The following FER1L6 variants were observed in gnomAD, a reference collection of about 807,000 sequenced individuals.
FER1L6 encodes fer-1 like family member 6.
Under a neutral mutation model 219.2 loss-of-function variants are expected in FER1L6, and 177 were observed. The ratio of observed to expected loss-of-function variants is 0.81; its 90% CI spans 0.71 to 0.91. FER1L6 has a LOEUF of 0.91. FER1L6 is among the 40% of genes least tolerant of loss of function. The probability of loss-of-function intolerance (pLI) is 0.00; values close to 1 mark genes in which losing one functional copy is unlikely to be tolerated. For missense variants in FER1L6, 2,153 were observed against 2,259.9 expected (o/e 0.95, Z 0.96); for synonymous variants, 768 against 824.3 (o/e 0.93, Z 1.17).
chr8:123,942,201 A>C (rs538921603), intron 1 of FER1L6, among the ~76,000 whole-genome samples: 1 of 151,438 alleles, frequency 6.6e-6, no homozygotes, highest in East Asian at 1.9e-4. Flanking sequence ...CTTCTCCCCA[A>C]CCCCTCCCCA....
At chr8:123,863,895 C>T (rs1450410491) in intron 1 of FER1L6, among the ~76,000 whole-genome samples, 3 of 151,078 alleles carry the variant, frequency 2.0e-5, no homozygotes, top group Non-Finnish European at 4.4e-5. Flanking sequence ...AGATGGGTTT[C>T]CTGAGTACAG....
intron 28 of FER1L6, 143 bp downstream of exon 28, chr8:124,067,949 A>C: frequency 1.5e-6 from 1 of 676,824 alleles, no homozygotes; most frequent in Non-Finnish European, 2.6e-6. Context: ...AGATGACAGC[A>C]CTTTAAAATG....
Position 124,076,232 on chromosome 8 carries a change from A to G in FER1L6, c.4127A>G (p.Lys1376Arg). 6.2e-7 allele frequency: 1 copy of G among 1,614,098 alleles called. No individual in the cohort carries two copies. Among genetic ancestry groups the G allele is most frequent in the Non-Finnish European group, 8.5e-7 (1 of 1,179,946 alleles). The change falls in exon 32 of 41, where the codon AAA (lysine) becomes AGA (arginine). Residue 1376 changes from lysine (K) to arginine (R), a missense_variant. Transcript: ENST00000522917. ...CTTAGTCCAGCTGATCCAGATGGCA[A>G]ATCAGATCCCTACATTGTGATCAAG... The part of the protein sequence containing the change: ...FNLSPADPDG[K>R]SDPYIVIKLG...
chr8:124,036,705 C>T (rs1276727679), intron 19 of FER1L6, among the ~76,000 whole-genome samples: 1 of 152,006 alleles, frequency 6.6e-6, no homozygotes, highest in Admixed American at 6.6e-5. Context: ...CTCTAGAGAC[C>T]CAAGGACCTG....
chr8:124,046,196 A>G (rs1346855655), intron 21 of FER1L6: 7 of 254,342 alleles, frequency 2.8e-5, no homozygotes, highest in Non-Finnish European at 3.8e-5. Context: ...ATACTTGTAT[A>G]AAGCAACCTG....
chr8:124,016,575 A>G (rs2130602179), intron 15 of FER1L6, among the ~76,000 whole-genome samples: 1 of 152,262 alleles, frequency 6.6e-6, no homozygotes, highest in South Asian at 2.1e-4. Flanking sequence ...TTTTCTGTGC[A>G]TTTGGGAACA....
intron 2 of FER1L6, among the ~76,000 whole-genome samples, chr8:123,961,139 C>T (rs1486305596): frequency 6.6e-6 from 1 of 152,030 alleles, no homozygotes; most frequent in African/African-American, 2.4e-5. Context: ...AGTGTGCTTG[C>T]AGTCACAGCT....
At chr8:123,977,662 G>A (rs906410599) in intron 10 of FER1L6, 53 bp downstream of exon 10, 55 of 1,555,430 alleles carry the variant, frequency 3.5e-5, no homozygotes, top group Non-Finnish European at 4.1e-5. Context: ...TTGCTTTAGA[G>A]CCCTCATCTT....
intron 1 of FER1L6, among the ~76,000 whole-genome samples, chr8:123,876,430 C>T (rs554368603): frequency 8.5e-4 from 129 of 152,222 alleles, no homozygotes; most frequent in African/African-American, 3.1e-3. Flanking sequence ...GAGATCCTCC[C>T]ATCACAGCTT....
At chr8:124,019,019 A>G (rs930643602) in intron 16 of FER1L6, among the ~76,000 whole-genome samples, 1 of 152,196 alleles carries the variant, frequency 6.6e-6, no homozygotes, top group African/African-American at 2.4e-5. Flanking sequence ...GTCTTCCTCT[A>G]ATCCATCTTC....
At chr8:123,885,935 A>T (rs1044662521) in intron 1 of FER1L6, among the ~76,000 whole-genome samples, 1 of 152,086 alleles carries the variant, frequency 6.6e-6, no homozygotes, top group African/African-American at 2.4e-5. Flanking sequence ...GCTCCTAAAC[A>T]TTGTGATGTT....
intron 1 of FER1L6, among the ~76,000 whole-genome samples, chr8:123,911,851 C>T (rs1813051994): frequency 6.6e-6 from 1 of 152,168 alleles, no homozygotes; most frequent in Admixed American, 6.6e-5. Context: ...TGCTCTTGTG[C>T]AAACAGGCTG....
At chr8:124,010,555 T>C in intron 13 of FER1L6, 39 bp from the exon 14 acceptor site, 1 of 1,609,104 alleles carries the variant, frequency 6.2e-7, no homozygotes, top group South Asian at 1.1e-5. Flanking sequence ...TGGAAAACAC[T>C]GATTACCAGC....
Position 124,060,332 on chromosome 8 carries a change from A to G in FER1L6, c.2985+42A>G, listed in dbSNP as rs542221560. The G allele has an allele frequency of 3.1e-5, 49 of 1,583,630 alleles. No individual in the cohort carries two copies. In the East Asian group the frequency reaches 9.6e-4, roughly 31 times the overall value. On this transcript the variant is annotated intron_variant, in intron 23 of 40. Transcript: ENST00000522917. ...GAGCTGAGTTGTTCTTTGGCACTCA[A>G]GGGCAGTGGCCCCACCTGAATTGTA...
chr8:124,023,651 G>C, intron 18 of FER1L6, 55 bp downstream of exon 18: 5 of 1,577,594 alleles, frequency 3.2e-6, no homozygotes, highest in Non-Finnish European at 4.3e-6. Context: ...CTCTAGGGTG[G>C]CTCAGACTTT....
intron 18 of FER1L6, among the ~76,000 whole-genome samples, chr8:124,031,119 T>A (rs1032612900): frequency 4.6e-5 from 7 of 151,890 alleles, no homozygotes; most frequent in African/African-American, 1.7e-4. Context: ...CAGGGGCACA[T>A]GAGAGAGGAA....
intron 31 of FER1L6, among the ~76,000 whole-genome samples, chr8:124,074,306 A>G (rs959794377): frequency 2.0e-5 from 3 of 152,198 alleles, no homozygotes; most frequent in Non-Finnish European, 2.9e-5. Context: ...CCAGACCATG[A>G]TTTTACAGAT....
Position 124,101,328 on chromosome 8 carries a change from T to C in FER1L6, c.5115T>C (p.Asp1705=), listed in dbSNP as rs953978307. ...QVWDFERLSS[D]DFLGTLEMNL... Reference sequence around the variant, plus strand: ...GGGATTTTGAAAGGCTGTCCTCAGATGACTTCCTGGGTAAGCCAGTGGCTT... The same window carrying C: ...GGGATTTTGAAAGGCTGTCCTCAGACGACTTCCTGGGTAAGCCAGTGGCTT... Residue 1705 remains aspartate (D), a synonymous_variant, in exon 38 of 41, where the codon GAT becomes GAC. Transcript: ENST00000522917. The C allele has an allele frequency of 8.1e-6, 13 of 1,613,068 alleles. No individual in the cohort carries two copies. The highest frequency in any genetic ancestry group is 5.5e-5 in the South Asian group (5 of 91,064).
intron 17 of FER1L6, among the ~76,000 whole-genome samples, chr8:124,022,274 T>A (rs1050918147): frequency 1.3e-5 from 2 of 152,236 alleles, no homozygotes; most frequent in African/African-American, 4.8e-5. Flanking sequence ...TCAGTAGACA[T>A]AGGAATTTGA....
Sources: allele counts gnomAD v4.1 joint callset (sites outside exome capture counted in the v4.1 genomes callset), GRCh38; gene constraint gnomAD v4.1.1; transcripts MANE v1.5; gene names NCBI Gene and HGNC (gene_info 2026-07-23, HGNC 2026-07-21).